Variants in REV3L observed in about 807,000 individuals in gnomAD.
REV3L encodes REV3 like, DNA directed polymerase zeta catalytic subunit.
Under a neutral mutation model 299.4 loss-of-function variants are expected in REV3L, and 69 were observed. The ratio of observed to expected loss-of-function variants is 0.23; its 90% confidence interval spans 0.19 to 0.28. REV3L has a LOEUF of 0.28. Ranked by LOEUF, REV3L falls within the 10% of genes least tolerant of loss-of-function variation. The pLI, the probability that REV3L is intolerant of heterozygous loss-of-function variation, is 1.00. For synonymous variants in REV3L, 1,238 were observed against 1,271.4 expected, an observed-to-expected ratio of 0.97 and a Z score of 0.56; for missense variants, 3,128 against 3,693.8, an observed-to-expected ratio of 0.85 and a Z score of 3.97.
chr6:111,316,254 T>C (rs1448065466), intron 26 of REV3L, among the ~76,000 whole-genome samples: 2 of 150,084 alleles, frequency 1.3e-5, no homozygotes, highest in East Asian at 3.9e-4. Context: ...TGGGGACCAC[T>C]GTGGTACACA....
At chr6:111,342,661 CTG>C (rs1284861828) in intron 21 of REV3L, among the ~76,000 whole-genome samples, 1 of 129,000 alleles carries the variant, frequency 7.8e-6, no homozygotes, top group Non-Finnish European at 1.8e-5. Context: ...GAGCGAGACT[CTG>C]TCTCAAAAAA....
At chr6:111,316,508 A>T (rs773757134) in intron 26 of REV3L, among the ~76,000 whole-genome samples, 1 of 152,010 alleles carries the variant, frequency 6.6e-6, no homozygotes, top group African/African-American at 2.4e-5. Flanking sequence ...TACTAAAAAA[A>T]TACAAAAATT....
intron 16 of REV3L, 116 bp from the exon 17 acceptor site, chr6:111,359,130 G>C (rs1778385697): frequency 1.3e-6 from 1 of 784,822 alleles, no homozygotes; most frequent in Non-Finnish European, 1.9e-6. Context: ...TGGACATAAA[G>C]GACAAAGTCA....
At chr6:111,470,676 T>A (rs1792090638) in intron 1 of REV3L, among the ~76,000 whole-genome samples, 1 of 152,194 alleles carries the variant, frequency 6.6e-6, no homozygotes, top group African/African-American at 2.4e-5. Context: ...AATGACCTCA[T>A]TAAAAAATTA....
chr6:111,397,283 C>G (rs1343008278), intron 4 of REV3L, among the ~76,000 whole-genome samples: 1 of 151,922 alleles, frequency 6.6e-6, no homozygotes, highest in African/African-American at 2.4e-5. Flanking sequence ...TTTGCTGTAT[C>G]TCATAGGTTT....
intron 15 of REV3L, 124 bp downstream of exon 15, chr6:111,365,141 T>A: frequency 1.7e-6 from 1 of 585,492 alleles, no homozygotes; most frequent in Non-Finnish European, 2.9e-6. Context: ...GATATGCAAA[T>A]AATGATGCAA....
Position 111,322,596 on chromosome 6 carries a change from G to A in REV3L, c.8324C>T (p.Ala2775Val), listed in dbSNP as rs1774302606. Residue 2775 changes from alanine to valine, a missense_variant, in exon 26 of 32, where the codon GCT becomes GTT. Coordinates refer to ENST00000368802, the MANE Select transcript of REV3L (RefSeq NM_001372078.1). Reference sequence around the variant, plus strand: ...GTCAGTATCGCCATATACAACCCTAGCCCCCCATTTCTTGGTATCATTCAC... The same window carrying A: ...GTCAGTATCGCCATATACAACCCTAACCCCCCATTTCTTGGTATCATTCAC... ...KLVNDTKKWG[A>V]RVVYGDTDSM... 1.2e-6 allele frequency: 2 copies of A among 1,613,902 alleles called. No homozygotes were observed. Among genetic ancestry groups the A allele is most frequent in the Non-Finnish European group, 1.7e-6 (2 of 1,179,914 alleles).
Position 111,299,486 on chromosome 6 carries a change from G to A in REV3L, c.*530C>T, listed in dbSNP as rs1771239055. 6.6e-6 allele frequency: 1 copy of A among 152,608 alleles called. No homozygotes were observed. Among genetic ancestry groups the A allele is most frequent in the South Asian group, 2.1e-4 (1 of 4,838 alleles). 9.5% of individuals were successfully genotyped at this position (152,608 alleles called of 1,614,324 possible). A position where few individuals can be genotyped will look rare whatever the true frequency, so the allele number is the denominator to read the frequency against. ...AAAATAACGATCTACTTTGAGTCAAGCAAAACCTAGAGGAAATATACCAAA... is the reference window on the plus strand; with the variant it reads ...AAAATAACGATCTACTTTGAGTCAAACAAAACCTAGAGGAAATATACCAAA... On this transcript the variant is annotated 3_prime_UTR_variant, in exon 32 of 32. Coordinates refer to ENST00000368802, the MANE Select transcript of REV3L (RefSeq NM_001372078.1).
chr6:111,349,675 G>A (rs113135132), intron 19 of REV3L, among the ~76,000 whole-genome samples: 1 of 152,170 alleles, frequency 6.6e-6, no homozygotes, highest in African/African-American at 2.4e-5. Context: ...CAAGCAATCC[G>A]CCTGCCTCAG....
At chr6:111,384,700 C>T (rs1186334839) in intron 9 of REV3L, among the ~76,000 whole-genome samples, 3 of 152,236 alleles carry the variant, frequency 2.0e-5, no homozygotes, top group African/African-American at 7.2e-5. Context: ...CCTTAATAAA[C>T]TAAAGATAGA....
chr6:111,372,090 T>C (rs1050708865), intron 13 of REV3L, among the ~76,000 whole-genome samples: 2 of 152,142 alleles, frequency 1.3e-5, no homozygotes, highest in African/African-American at 2.4e-5. Flanking sequence ...ATACAAGATA[T>C]TGAAACCACA....
intron 16 of REV3L, chr6:111,360,552 T>C (rs2114994422): frequency 6.7e-6 from 1 of 150,308 alleles, no homozygotes; most frequent in African/African-American, 2.5e-5. Context: ...CATAGTTCAC[T>C]GCAGCCCTGA....
chr6:111,307,906 G>C (rs1386157698), intron 30 of REV3L: 1 of 292,684 alleles, frequency 3.4e-6, no homozygotes, highest in Non-Finnish European at 6.6e-6. Context: ...ATTTACATTA[G>C]GTATTTCTCC....
chr6:111,411,857 C>A (rs994394868), intron 2 of REV3L: 2 of 407,398 alleles, frequency 4.9e-6, no homozygotes, highest in Non-Finnish European at 6.6e-6. Context: ...CCATCCACCC[C>A]TTAATCTCAA....
chr6:111,438,277 A>G (rs1432561304), intron 1 of REV3L, among the ~76,000 whole-genome samples: 1 of 152,168 alleles, frequency 6.6e-6, no homozygotes, highest in Non-Finnish European at 1.5e-5. Context: ...AAATGCATTC[A>G]TTAAATTATT....
chr6:111,322,187 A>G (rs543279740), intron 26 of REV3L, among the ~76,000 whole-genome samples: 1 of 152,348 alleles, frequency 6.6e-6, no homozygotes, highest in African/African-American at 2.4e-5. Flanking sequence ...TTGTCCTTCA[A>G]AAACAGTTTA....
intron 21 of REV3L, 122 bp from the exon 22 acceptor site, chr6:111,335,732 A>T: frequency 1.1e-6 from 1 of 949,462 alleles, no homozygotes; most frequent in Non-Finnish European, 1.5e-6. Context: ...AAGAGTAATG[A>T]TATGAGCCTT....
At chr6:111,480,988 A>C (rs574653021) in intron 1 of REV3L, among the ~76,000 whole-genome samples, 1 of 152,280 alleles carries the variant, frequency 6.6e-6, no homozygotes, top group South Asian at 2.1e-4. Context: ...TTCCTCACGT[A>C]ATAGAATTAC....
intron 1 of REV3L, among the ~76,000 whole-genome samples, chr6:111,464,239 T>C (rs1791145163): frequency 6.6e-6 from 1 of 152,222 alleles, no homozygotes; most frequent in South Asian, 2.1e-4. Context: ...ACTAAGTGAA[T>C]GTTTTCATCT....
Sources: gnomAD v4.1 joint callset for allele counts (sites outside exome capture counted in the v4.1 genomes callset) on GRCh38, gnomAD v4.1.1 for gene constraint, MANE v1.5 for transcripts, NCBI Gene and HGNC (gene_info 2026-07-23, HGNC 2026-07-21) for gene names.